Variants in GYG1 observed in about 807,000 individuals in gnomAD.
The protein encoded by GYG1 is glycogenin 1.
A neutral mutation model predicts 41.9 loss-of-function variants in GYG1; 44 were observed. That is an observed-to-expected ratio of 1.05 (90% CI 0.83 to 1.35). The LOEUF is 1.35. GYG1 is among the 40% of genes most tolerant of loss of function. GYG1 has a pLI of 0.00. For synonymous variants in GYG1, 141 were observed against 158.1 expected (o/e 0.89, Z 0.81); for missense variants, 429 against 418.9 (o/e 1.02, Z -0.21).
chr3:149,002,698 T>C lies in GYG1; in HGVS notation c.481+5794T>C, dbSNP rs529423106. On this transcript the variant is annotated intron_variant, in intron 4 of 7. Transcript: ENST00000345003. ...CTCACTATAGGCAGTAATGATTATA[T>C]CCACCAAGCATTTTGTAGGAAGTTA... Among the ~76,000 whole-genome samples, 38 of 152,280 alleles carry C rather than the reference T, an allele frequency of 2.5e-4. No individual in the cohort carries two copies. In the East Asian group the frequency reaches 6.4e-3, roughly 26 times the overall value.
intron 4 of GYG1, among the ~76,000 whole-genome samples, chr3:149,003,010 CTG>C (rs1713180320): frequency 6.6e-6 from 1 of 152,044 alleles, no homozygotes; most frequent in Non-Finnish European, 1.5e-5. Context: ...GAGCAAGACT[CTG>C]TCTCTGTAAA....
chr3:148,994,274 T>C lies in GYG1; in HGVS notation c.140T>C (p.Met47Thr). ...GCCACCCCTCAGGTCTCAGACTCCA[T>C]GAGGTGAGGACCTCGCTGCCACCCC... ...VLATPQVSDS[M>T]RKVLETVFDE... The change falls in exon 2 of 8, where the codon ATG becomes ACG. Residue 47 changes from methionine to threonine, a missense_variant. Coordinates refer to ENST00000345003, the MANE Select transcript of GYG1 (RefSeq NM_004130.4). 6.2e-7 allele frequency: 1 copy of C among 1,614,076 alleles called. No individual in the cohort carries two copies. The highest frequency in any genetic ancestry group is 8.5e-7 in the Non-Finnish European group (1 of 1,179,938).
chr3:149,005,762 T>G lies in GYG1; in HGVS notation c.482-3514T>G, dbSNP rs146210840. On this transcript the variant is annotated intron_variant, in intron 4 of 7. Transcript: ENST00000345003. ...TAATTGTAAGAGTTTTTTAAAAACC[T>G]GTTCATTTTGAGAGAATTTCCATGC... 2.6e-5 allele frequency among the ~76,000 whole-genome samples: 4 copies of G among 152,312 alleles called. No individual in the cohort carries two copies. The East Asian group carries it at 7.7e-4, about 29-fold the overall frequency.
chr3:149,000,502 G>A (rs765142356), intron 4 of GYG1, among the ~76,000 whole-genome samples: 6 of 152,224 alleles, frequency 3.9e-5, no homozygotes, highest in African/African-American at 7.2e-5. Context: ...TTTTGCTTCT[G>A]CCACATCGGT....
chr3:149,014,764 A>G (rs1713924892), intron 5 of GYG1, among the ~76,000 whole-genome samples: 1 of 151,788 alleles, frequency 6.6e-6, no homozygotes, highest in Admixed American at 6.6e-5. Flanking sequence ...GCTACTCAGA[A>G]GGCTGAGGCA....
In GYG1 at chr3:148,991,657, C is replaced by A; in HGVS notation, c.7+10C>A. 2.0e-6 allele frequency: 3 copies of A among 1,528,166 alleles called. No individual in the cohort carries two copies. The highest frequency in any genetic ancestry group is 2.6e-6 in the Non-Finnish European group (3 of 1,144,224). The allele number at this position is 1,528,166 out of a possible 1,614,324, so 94.7% of individuals were successfully genotyped here. ...GGCAGCACCATGACAGGTACCGCCG[C>A]GCAGCCCGCCGCCGCCAGCCCCGGG... On this transcript the variant is annotated intron_variant, in intron 1 of 7. Coordinates refer to ENST00000345003, the MANE Select transcript of GYG1 (RefSeq NM_004130.4).
intron 1 of GYG1, 45 bp from the exon 2 acceptor site, chr3:148,994,097 C>T (rs766979846): frequency 6.3e-7 from 1 of 1,577,026 alleles, no homozygotes; most frequent in South Asian, 1.1e-5. Flanking sequence ...AGGCTTTCTC[C>T]AGATAAGATA....
In GYG1 at chr3:149,027,723, A is replaced by G. The variant is rs1188301975; in HGVS notation, c.*790A>G. On this transcript the variant is annotated 3_prime_UTR_variant, in exon 8 of 8. Transcript: ENST00000345003. Reference sequence around the variant, plus strand: ...TTTCACAATTTTTGGAATTTGTCATAGTTTTAAAAAAGTGTAAAGCTTGAC... The same window carrying G: ...TTTCACAATTTTTGGAATTTGTCATGGTTTTAAAAAAGTGTAAAGCTTGAC... 1 of 152,208 alleles carries G rather than the reference A, an allele frequency of 6.6e-6. No homozygotes were observed. The highest frequency in any genetic ancestry group is 1.5e-5 in the Non-Finnish European group (1 of 68,024). 9.4% of individuals were successfully genotyped at this position (152,208 alleles called of 1,614,324 possible).
intron 4 of GYG1, among the ~76,000 whole-genome samples, chr3:149,003,440 C>T (rs1362329488): frequency 6.6e-6 from 1 of 152,166 alleles, no homozygotes; most frequent in Non-Finnish European, 1.5e-5. Context: ...CTTTGTCCAT[C>T]TGTCCCTTTT....
In GYG1 at chr3:149,026,909, G is replaced by GA; in HGVS notation, c.1032dup (p.Leu345ThrfsTer2). 6.2e-7 allele frequency: 1 copy of GA among 1,613,654 alleles called. No homozygotes were observed. Among genetic ancestry groups the GA allele is most frequent in the East Asian group, 2.2e-5 (1 of 44,876 alleles). The stretch of plus-strand genomic sequence containing the variant: ...CAGATTCCTTTGACAACATCAAGAG[G>GA]AAACTTGACACTTACCTCCAGTAGA... On this transcript the variant is annotated frameshift_variant, in exon 8 of 8. Transcript: ENST00000345003. LOFTEE classifies it high-confidence loss of function.
intron 4 of GYG1, among the ~76,000 whole-genome samples, chr3:149,006,275 G>A (rs948828954): frequency 6.6e-6 from 1 of 151,788 alleles, no homozygotes; most frequent in Non-Finnish European, 1.5e-5. Flanking sequence ...TAGAGACGGG[G>A]TTTCACCATA....
chr3:149,013,001 G>A (rs930973605), intron 5 of GYG1, among the ~76,000 whole-genome samples: 45 of 140,304 alleles, frequency 3.2e-4, no homozygotes, highest in African/African-American at 1.0e-3. Flanking sequence ...GTTAATTTGT[G>A]TGTGTGTGTG....
chr3:149,009,271 T>C lies in GYG1; in HGVS notation c.482-5T>C, dbSNP rs1713581326. On this transcript the variant is annotated splice_region_variant and splice_polypyrimidine_tract_variant and intron_variant, in intron 4 of 7. Coordinates refer to ENST00000345003, the MANE Select transcript of GYG1 (RefSeq NM_004130.4). ...TTAACTAATTTATATATTTTTTTCT[T>C]TTAGGTGGGGACCAAGGCATACTGA... 6.2e-6 allele frequency: 10 copies of C among 1,609,384 alleles called. No individual in the cohort carries two copies. The highest frequency in any genetic ancestry group is 8.5e-6 in the Non-Finnish European group (10 of 1,175,714).
intron 5 of GYG1, among the ~76,000 whole-genome samples, chr3:149,012,997 T>TGTGTGTG (rs1713816520): frequency 1.4e-5 from 2 of 141,368 alleles, no homozygotes; most frequent in Non-Finnish European, 3.0e-5. Flanking sequence ...CTCAGTTAAT[T>TGTGTGTG]TGTGTGTGTG....
At chr3:149,002,364 G>A (rs1016515171) in intron 4 of GYG1, among the ~76,000 whole-genome samples, 1 of 152,178 alleles carries the variant, frequency 6.6e-6, no homozygotes, top group African/African-American at 2.4e-5. Context: ...CTTAGACTGA[G>A]AAACTGACAT....
intron 5 of GYG1, among the ~76,000 whole-genome samples, chr3:149,010,972 C>T (rs1334578358): frequency 6.6e-6 from 1 of 152,194 alleles, no homozygotes; most frequent in East Asian, 1.9e-4. Context: ...AGCAATGTTT[C>T]CTTTTCTGTT....
rs559985014 is a variant in GYG1, at chr3:149,009,689, A to G, written c.608+287A>G. On this transcript the variant is annotated intron_variant, in intron 5 of 7. Coordinates refer to ENST00000345003, the MANE Select transcript of GYG1 (RefSeq NM_004130.4). The stretch of plus-strand genomic sequence containing the variant: ...TAATATGTCATGGTCAAAAACACAG[A>G]CTCTTAAGCTCTGCAGACTTACAAC... 3.3e-5 allele frequency among the ~76,000 whole-genome samples: 5 copies of G among 151,934 alleles called. No homozygotes were observed. The East Asian group carries it at 9.7e-4, about 29-fold the overall frequency.
At chr3:149,008,976 G>A (rs557821210) in intron 4 of GYG1, 8 of 318,474 alleles carry the variant, frequency 2.5e-5, no homozygotes, top group African/African-American at 8.6e-5. Flanking sequence ...TGGCCAACAC[G>A]GTGAAACCCC....
rs746449040 is a variant in GYG1, at chr3:149,025,313, GCA to G, written c.828+1044_828+1045del. ...AGCACACAACCTAGATCCGTTGCAT[GCA>G]CAGTTTACAATAGAGTTCACGCTTC... is the stretch of plus-strand genomic sequence containing the variant. On this transcript the variant is annotated intron_variant, in intron 6 of 7. Transcript: ENST00000345003. 2.0e-5 allele frequency among the ~76,000 whole-genome samples: 3 copies of G among 152,266 alleles called. No homozygotes were observed. In the East Asian group the frequency reaches 5.8e-4, roughly 29 times the overall value.
Sources: gnomAD v4.1 joint callset for allele counts (sites outside exome capture counted in the v4.1 genomes callset) on GRCh38, gnomAD v4.1.1 for gene constraint, MANE v1.5 for transcripts, NCBI Gene and HGNC (gene_info 2026-07-23, HGNC 2026-07-21) for gene names.